Variants in KIAA1671 observed in about 807,000 individuals in gnomAD.
The protein encoded by KIAA1671 is KIAA1671, also known as uncharacterized protein KIAA1671.
KIAA1671 carries 52 observed loss-of-function variants against 131.2 expected under a neutral mutation model. That is an observed-to-expected ratio of 0.40 (90% CI 0.32 to 0.50). The LOEUF is 0.50. Ranked by LOEUF, KIAA1671 falls within the 20% of genes least tolerant of loss-of-function variation. KIAA1671 has a pLI of 0.73. For missense variants in KIAA1671, 2,360 were observed against 2,364.2 expected (o/e 1.00, Z 0.04); for synonymous variants, 1,003 against 961.6 (o/e 1.04, Z -0.80).
intron 9 of KIAA1671, among the ~76,000 whole-genome samples, chr22:25,179,749 A>G (rs567787353): frequency 8.5e-5 from 13 of 152,126 alleles, no homozygotes; most frequent in Non-Finnish European, 1.8e-4. Flanking sequence ...AGGTTTTACT[A>G]TTTCTGCTTT....
At position 25,039,698 on chromosome 22, in the gene KIAA1671, C is replaced by T. The variant is rs1026757900; in HGVS notation, c.2568C>T (p.Ile856=). 173 of 1,513,722 alleles carry T rather than the reference C, an allele frequency of 1.1e-4. No homozygotes were observed. In the African/African-American group the frequency reaches 2.2e-3, roughly 19 times the overall value. 93.8% of individuals were successfully genotyped at this position (1,513,722 alleles called of 1,614,324 possible). The change falls in exon 5 of 13, where the codon ATC becomes ATT. Residue 856 remains isoleucine (I), a synonymous_variant. Transcript: ENST00000358431. The part of the protein sequence containing the change: ...ATSVRAIKAA[I]WESQHEGPEG... ...CCGTCAGGGCTATCAAGGCTGCCAT[C>T]TGGGAAAGCCAGCATGAGGGGCCAG... is the stretch of plus-strand genomic sequence containing the variant.
intron 6 of KIAA1671, among the ~76,000 whole-genome samples, chr22:25,139,627 G>A (rs552941950): frequency 1.3e-5 from 2 of 152,220 alleles, no homozygotes; most frequent in Non-Finnish European, 2.9e-5. Context: ...GTTGGGAAGA[G>A]AGGCTATAAA....
chr22:25,086,716 G>A (rs542618132), intron 6 of KIAA1671, among the ~76,000 whole-genome samples: 1 of 152,140 alleles, frequency 6.6e-6, no homozygotes. Flanking sequence ...ATCCCCCAAA[G>A]GCCGGCCAGA....
At chr22:25,128,553 G>A (rs5752065) in intron 6 of KIAA1671, among the ~76,000 whole-genome samples, 116,508 of 152,152 alleles carry the variant, frequency 0.77, 45,701 homozygotes, top group African/African-American at 0.94. Flanking sequence ...CTGTGGGTCT[G>A]TTGTGGTCCA....
chr22:25,140,783 A>G (rs1932796193), intron 6 of KIAA1671, among the ~76,000 whole-genome samples: 1 of 152,172 alleles, frequency 6.6e-6, no homozygotes, highest in Non-Finnish European at 1.5e-5. Context: ...AGGCATCCGT[A>G]GGAGGTTCTT....
chr22:25,034,408 C>T (rs929702489), intron 4 of KIAA1671, among the ~76,000 whole-genome samples: 10 of 151,998 alleles, frequency 6.6e-5, no homozygotes, highest in Admixed American at 2.0e-4. Context: ...GCTTTCTGTC[C>T]GTGTAGATTA....
chr22:25,190,395 G>A (rs886176465), intron 11 of KIAA1671, among the ~76,000 whole-genome samples: 3 of 152,188 alleles, frequency 2.0e-5, no homozygotes, highest in South Asian at 2.1e-4. Context: ...ATGAAGCTTC[G>A]CTCACTCGCC....
chr22:25,021,167 C>A (rs1925645250), intron 1 of KIAA1671, among the ~76,000 whole-genome samples: 1 of 152,138 alleles, frequency 6.6e-6, no homozygotes, highest in Admixed American at 6.5e-5. Flanking sequence ...CCGGCTCAGA[C>A]AATCCTCAGC....
chr22:25,122,983 A>T (rs1246283924), intron 6 of KIAA1671, among the ~76,000 whole-genome samples: 1 of 151,992 alleles, frequency 6.6e-6, no homozygotes, highest in Non-Finnish European at 1.5e-5. Flanking sequence ...TCACAAAAAA[A>T]ACAAAAACAG....
intron 1 of KIAA1671, among the ~76,000 whole-genome samples, chr22:24,972,685 T>C (rs1346026735): frequency 2.0e-5 from 3 of 152,100 alleles, no homozygotes; most frequent in African/African-American, 7.2e-5. Context: ...TTCCAGCTCT[T>C]TCTTTCATCC....
chr22:25,142,669 C>T (rs1004022891), intron 6 of KIAA1671, among the ~76,000 whole-genome samples: 3 of 152,068 alleles, frequency 2.0e-5, no homozygotes, highest in Admixed American at 6.6e-5. Context: ...GTCAGGAGTT[C>T]GAGACCAGCC....
intron 11 of KIAA1671, among the ~76,000 whole-genome samples, chr22:25,187,684 A>G (rs193190175): frequency 9.9e-5 from 15 of 151,976 alleles, no homozygotes; most frequent in Non-Finnish European, 1.2e-4. Context: ...AAATTTTTGT[A>G]TTTTTTTGTA....
intron 1 of KIAA1671, among the ~76,000 whole-genome samples, chr22:25,020,572 A>G (rs1382607427): frequency 6.6e-6 from 1 of 152,136 alleles, no homozygotes; most frequent in East Asian, 1.9e-4. Flanking sequence ...AGTCTAGTGG[A>G]GGAAACAGAG....
At chr22:25,169,478 C>T (rs1420091109) in intron 6 of KIAA1671, among the ~76,000 whole-genome samples, 1 of 150,668 alleles carries the variant, frequency 6.6e-6, no homozygotes, top group Non-Finnish European at 1.5e-5. Context: ...AAAGCTCAGG[C>T]AGCCAAGGCC....
At chr22:25,177,012 T>C (rs1342434538) in intron 8 of KIAA1671, 1 of 285,826 alleles carries the variant, frequency 3.5e-6, no homozygotes, top group African/African-American at 2.1e-5. Flanking sequence ...GTACTGATCA[T>C]TGCTGTAGAT....
chr22:25,102,432 A>G (rs1930735197), intron 6 of KIAA1671: 1 of 152,166 alleles, frequency 6.6e-6, no homozygotes, highest in East Asian at 1.9e-4. Flanking sequence ...TGTGGTCACC[A>G]TTTATTATTT....
At chr22:25,127,432 T>C (rs1446988765) in intron 6 of KIAA1671, among the ~76,000 whole-genome samples, 2 of 152,040 alleles carry the variant, frequency 1.3e-5, no homozygotes, top group Non-Finnish European at 2.9e-5. Context: ...GCCTCGAGTG[T>C]TTTAGTTGTT....
chr22:25,187,099 C>T (rs1237914909), intron 11 of KIAA1671, among the ~76,000 whole-genome samples: 1 of 152,186 alleles, frequency 6.6e-6, no homozygotes, highest in African/African-American at 2.4e-5. Context: ...ACTCCAGAGT[C>T]ACCTAATCTC....
At chr22:25,185,407 T>C in intron 11 of KIAA1671, 1 of 388,986 alleles carries the variant, frequency 2.6e-6, no homozygotes, top group Non-Finnish European at 4.6e-6. Context: ...GAACTACTGA[T>C]CTAGTTTAGC....
Sources: gnomAD v4.1 joint callset for allele counts (sites outside exome capture counted in the v4.1 genomes callset) on GRCh38, gnomAD v4.1.1 for gene constraint, MANE v1.5 for transcripts, NCBI Gene and HGNC (gene_info 2026-07-23, HGNC 2026-07-21) for gene names.